TOGARAM1: variants seen among roughly 807,000 people sequenced by gnomAD.
The protein encoded by TOGARAM1 is TOG array regulator of axonemal microtubules 1.
Under a neutral mutation model 166.6 loss-of-function variants are expected in TOGARAM1, and 100 were observed. The ratio of observed to expected loss-of-function variants is 0.60; its 90% CI spans 0.51 to 0.71. TOGARAM1 has a LOEUF of 0.71. TOGARAM1 is among the 30% of genes least tolerant of loss of function. The pLI, the probability that TOGARAM1 is intolerant of heterozygous loss-of-function variation, is 0.00. For missense variants in TOGARAM1, 2,029 were observed against 2,102.7 expected, an observed-to-expected ratio of 0.96 and a Z score of 0.69; for synonymous variants, 758 against 763.8, an observed-to-expected ratio of 0.99 and a Z score of 0.13.
chr14:44,977,489 G>A (rs1475188348), intron 1 of TOGARAM1, among the ~76,000 whole-genome samples: 1 of 151,946 alleles, frequency 6.6e-6, no homozygotes, highest in Non-Finnish European at 1.5e-5. Flanking sequence ...GCCCGCCTTG[G>A]CCACCCAAAG....
chr14:44,984,877 T>C (rs1200889827), intron 1 of TOGARAM1, among the ~76,000 whole-genome samples: 1 of 152,226 alleles, frequency 6.6e-6, no homozygotes, highest in Non-Finnish European at 1.5e-5. Context: ...GATTACCTTG[T>C]ATACATATTT....
At chr14:45,028,571 G>A (rs1025079210) in intron 10 of TOGARAM1, among the ~76,000 whole-genome samples, 1 of 152,076 alleles carries the variant, frequency 6.6e-6, no homozygotes, top group Non-Finnish European at 1.5e-5. Flanking sequence ...TATACTCCTG[G>A]AAATATTCCT....
chr14:45,011,813 A>G (rs1414642482), intron 6 of TOGARAM1, 162 bp from the exon 7 acceptor site: 31 of 488,074 alleles, frequency 6.4e-5, no homozygotes, highest in East Asian at 1.7e-4. Flanking sequence ...GTGTGTGTGT[A>G]TACACACACA....
At chr14:44,980,832 G>A (rs1158969786) in intron 1 of TOGARAM1, among the ~76,000 whole-genome samples, 2 of 152,160 alleles carry the variant, frequency 1.3e-5, no homozygotes, top group African/African-American at 4.8e-5. Context: ...TCTCTTTTGG[G>A]GGAGGGGGTC....
intron 14 of TOGARAM1, among the ~76,000 whole-genome samples, chr14:45,050,993 T>C (rs1186889560): frequency 6.6e-6 from 1 of 152,204 alleles, no homozygotes; most frequent in Non-Finnish European, 1.5e-5. Flanking sequence ...GGGCCCGGCC[T>C]CATTGAAGAT....
chr14:45,068,071 G>T (rs1299109000), intron 17 of TOGARAM1, among the ~76,000 whole-genome samples: 7 of 152,108 alleles, frequency 4.6e-5, no homozygotes, highest in African/African-American at 1.7e-4. Context: ...ACTTTTCTAA[G>T]TTCTTAGAGT....
Position 45,059,999 on chromosome 14 carries a change from G to A in TOGARAM1, c.4559+5450G>A, listed in dbSNP as rs530795046. Among the ~76,000 whole-genome samples, 31 of 146,460 alleles carry A rather than the reference G, an allele frequency of 2.1e-4. No homozygotes were observed. In the South Asian group the frequency reaches 3.1e-3, roughly 14 times the overall value. On this transcript the variant is annotated intron_variant, in intron 16 of 19. Coordinates refer to ENST00000361462, the MANE Select transcript of TOGARAM1 (RefSeq NM_001308120.2). ...GTGATCTCGGCTCACTGCAAGCTCC[G>A]TCTCCCAGGTTCATGCCATTCGCCT...
At chr14:44,981,295 TGACATACA>T (rs1369487860) in intron 1 of TOGARAM1, among the ~76,000 whole-genome samples, 1 of 152,164 alleles carries the variant, frequency 6.6e-6, no homozygotes, top group Non-Finnish European at 1.5e-5. Context: ...GTCCAGTGAA[TGACATACA>T]GAACGAGAGA....
intron 1 of TOGARAM1, among the ~76,000 whole-genome samples, chr14:44,988,311 C>T (rs1485237367): frequency 6.6e-6 from 1 of 152,090 alleles, no homozygotes; most frequent in East Asian, 1.9e-4. Flanking sequence ...AAGCACTTAA[C>T]GTATTAATAT....
intron 1 of TOGARAM1, 84 bp from the exon 2 acceptor site, chr14:44,995,662 A>T: frequency 1.1e-6 from 1 of 947,942 alleles, no homozygotes; most frequent in Non-Finnish European, 1.6e-6. Flanking sequence ...CCTGAATTTC[A>T]TAATTGGATC....
intron 7 of TOGARAM1, among the ~76,000 whole-genome samples, chr14:45,014,136 C>G (rs1406823619): frequency 6.6e-6 from 1 of 151,274 alleles, no homozygotes; most frequent in Non-Finnish European, 1.5e-5. Flanking sequence ...AGCTCCGCCT[C>G]CCAGGTTCAT....
chr14:45,048,458 CATT>C (rs1258764472), intron 14 of TOGARAM1, among the ~76,000 whole-genome samples: 1 of 151,886 alleles, frequency 6.6e-6, no homozygotes, highest in African/African-American at 2.4e-5. Context: ...TTATGGAACT[CATT>C]ATACCTAAAG....
chr14:44,990,930 T>G (rs1887087935), intron 1 of TOGARAM1, among the ~76,000 whole-genome samples: 1 of 146,042 alleles, frequency 6.8e-6, no homozygotes, highest in African/African-American at 2.6e-5. Flanking sequence ...ATTACAGGTG[T>G]GAGCCACTAC....
At chr14:45,036,228 T>C (rs2138930310) in intron 11 of TOGARAM1, among the ~76,000 whole-genome samples, 1 of 151,322 alleles carries the variant, frequency 6.6e-6, no homozygotes, top group Non-Finnish European at 1.5e-5. Flanking sequence ...AGTATTGCTT[T>C]ACCAAGGCAA....
At position 44,978,844 on chromosome 14, in the gene TOGARAM1, A is replaced by G. The variant is rs534130687; in HGVS notation, c.2046+14377A>G. ...AAAAAAAAAGAAGAAGAAGATCAAG[A>G]GCCAGGCATGGTGGCATATACCTAT... On this transcript the variant is annotated intron_variant, in intron 1 of 19. Transcript: ENST00000361462. Among the ~76,000 whole-genome samples, 3 of 151,978 alleles carry G rather than the reference A, an allele frequency of 2.0e-5. No homozygotes were observed. In the South Asian group the frequency reaches 6.3e-4, roughly 32 times the overall value.
intron 1 of TOGARAM1, among the ~76,000 whole-genome samples, chr14:44,988,002 A>G (rs546111034): frequency 2.0e-5 from 3 of 151,916 alleles, no homozygotes; most frequent in African/African-American, 7.2e-5. Flanking sequence ...AACTATCGCA[A>G]GGACAAAAAA....
intron 13 of TOGARAM1, among the ~76,000 whole-genome samples, chr14:45,045,543 G>GTGTGTGTGTATA (rs1457434775): frequency 7.7e-5 from 3 of 38,922 alleles, no homozygotes; most frequent in Admixed American, 4.0e-4. Context: ...GTCTGTGTGT[G>GTGTGTGTGTATA]TATATATATA....
At position 45,052,422 on chromosome 14, in the gene TOGARAM1, T is replaced by C; in HGVS notation, c.4314-14T>C. The C allele has an allele frequency of 1.2e-6, 2 of 1,602,792 alleles. No individual in the cohort carries two copies. The highest frequency in any genetic ancestry group is 1.7e-6 in the Non-Finnish European group (2 of 1,173,002). Reference sequence around the variant, plus strand: ...GTCTAAAAAGTAATATACCTGTTTTTCAAATACTCACAGGTATTATGGTCG... The same window carrying C: ...GTCTAAAAAGTAATATACCTGTTTTCCAAATACTCACAGGTATTATGGTCG... On this transcript the variant is annotated splice_polypyrimidine_tract_variant and intron_variant, in intron 14 of 19. Transcript: ENST00000361462.
At chr14:44,995,438 C>T (rs1006551736) in intron 1 of TOGARAM1, 40 of 464,262 alleles carry the variant, frequency 8.6e-5, no homozygotes, top group Non-Finnish European at 1.4e-4. Context: ...TACGCTGCTC[C>T]GTCAGATCAT....
Sources: gnomAD v4.1 joint callset for allele counts (sites outside exome capture counted in the v4.1 genomes callset) on GRCh38, gnomAD v4.1.1 for gene constraint, MANE v1.5 for transcripts, NCBI Gene and HGNC (gene_info 2026-07-23, HGNC 2026-07-21) for gene names.